Variants in ARHGAP20 observed in about 807,000 individuals in gnomAD.
ARHGAP20 encodes the protein rho GTPase-activating protein 20.
ARHGAP20 carries 34 observed loss-of-function variants against 73.7 expected under a neutral mutation model. The ratio of observed to expected loss-of-function variants is 0.46; its 90% CI spans 0.35 to 0.61. The LOEUF (loss-of-function observed/expected upper bound fraction) is 0.61, where lower values mean the gene tolerates loss of function less well. Ranked by LOEUF, ARHGAP20 falls within the 20% of genes least tolerant of loss-of-function variation. The pLI is 0.00. For missense variants in ARHGAP20, 1,314 were observed against 1,420.9 expected, an observed-to-expected ratio of 0.92 and a Z score of 1.21; for synonymous variants, 523 against 518.2, an observed-to-expected ratio of 1.01 and a Z score of -0.13.
intron 8 of ARHGAP20, among the ~76,000 whole-genome samples, chr11:110,608,259 A>G (rs1422807181): frequency 6.6e-6 from 1 of 152,142 alleles, no homozygotes; most frequent in Non-Finnish European, 1.5e-5. Flanking sequence ...TCATCATCTC[A>G]AGATCTGGTA....
At chr11:110,594,623 A>G (rs1947908169) in intron 9 of ARHGAP20, among the ~76,000 whole-genome samples, 1 of 152,112 alleles carries the variant, frequency 6.6e-6, no homozygotes, top group Non-Finnish European at 1.5e-5. Context: ...AAACTCCATT[A>G]TTTAAAAAAA....
chr11:110,674,718 T>C (rs1223650032), intron 2 of ARHGAP20, among the ~76,000 whole-genome samples: 3 of 152,128 alleles, frequency 2.0e-5, no homozygotes, highest in African/African-American at 7.2e-5. Flanking sequence ...GGACAAGGGA[T>C]ACTCAACCCT....
chr11:110,646,890 T>C (rs1949205268), intron 2 of ARHGAP20, among the ~76,000 whole-genome samples: 1 of 151,932 alleles, frequency 6.6e-6, no homozygotes, highest in African/African-American at 2.4e-5. Flanking sequence ...GAAACATAAT[T>C]TATATGGTGA....
chr11:110,635,143 C>T (rs1429011714), intron 2 of ARHGAP20, among the ~76,000 whole-genome samples: 2 of 151,924 alleles, frequency 1.3e-5, no homozygotes, highest in African/African-American at 4.8e-5. Context: ...TCTGATCTCC[C>T]CTGGGTATAC....
In ARHGAP20 at chr11:110,581,106, T is replaced by C; in HGVS notation, c.1840A>G (p.Met614Val). Residue 614 changes from methionine (M) to valine (V), a missense_variant, in exon 15 of 15, where the codon ATG (methionine) becomes GTG (valine). Physicochemically the swap from Met to Val is conservative, Grantham distance 21. This residue lies in a region of ARHGAP20 where 230 missense variants were observed against 317.6 expected (regional missense o/e 0.72). Coordinates refer to ENST00000683387, the MANE Select transcript of ARHGAP20 (RefSeq NM_001384657.1). ...VKKLGQGSRS[M>V]DSVLTLSDYD... is the part of the protein sequence containing the mutation. ...TCACTGAGGGTTAAGACAGAGTCCA[T>C]GCTTCTGCTCCCCTGGCCAAGTTTC... is the stretch of plus-strand genomic sequence containing the variant. 6.2e-7 allele frequency: 1 copy of C among 1,614,208 alleles called. No individual in the cohort carries two copies. Among genetic ancestry groups the C allele is most frequent in the Non-Finnish European group, 8.5e-7 (1 of 1,180,030 alleles).
intron 2 of ARHGAP20, among the ~76,000 whole-genome samples, chr11:110,683,537 C>T (rs1031809398): frequency 2.0e-5 from 3 of 152,014 alleles, no homozygotes; most frequent in East Asian, 1.9e-4. Context: ...AACTGAACAG[C>T]AAGTATGTAC....
intron 1 of ARHGAP20, chr11:110,711,610 G>A (rs1591202235): frequency 3.4e-6 from 5 of 1,486,358 alleles, no homozygotes; most frequent in East Asian, 5.6e-5. Context: ...CGCCTCGGCG[G>A]GCAGGTGAGG....
chr11:110,579,511 A>G lies in ARHGAP20; in HGVS notation c.3435T>C (p.Pro1145=), dbSNP rs751201807. 3 of 1,614,154 alleles carry G rather than the reference A, an allele frequency of 1.9e-6. No homozygotes were observed. The highest frequency in any genetic ancestry group is 2.5e-6 in the Non-Finnish European group (3 of 1,180,026). ...LCMKSHEEIE[P]GSQSSSGSLP... is the part of the protein sequence containing the mutation. ...GAGAACCAGAAGAGCTCTGACTACC[A>G]GGCTCTATTTCCTCATGTGACTTCA... Residue 1145 remains proline, a synonymous_variant, in exon 15 of 15, where the codon CCT becomes CCC. Coordinates refer to ENST00000683387, the MANE Select transcript of ARHGAP20 (RefSeq NM_001384657.1).
chr11:110,655,053 T>C (rs1949435312), intron 2 of ARHGAP20, among the ~76,000 whole-genome samples: 1 of 152,174 alleles, frequency 6.6e-6, no homozygotes, highest in South Asian at 2.1e-4. Context: ...TTAACTACAT[T>C]TGAGCTACTC....
intron 2 of ARHGAP20, among the ~76,000 whole-genome samples, chr11:110,683,373 T>C (rs1565475712): frequency 6.6e-6 from 1 of 152,116 alleles, no homozygotes; most frequent in African/African-American, 2.4e-5. Context: ...ATTTTCCCTA[T>C]CAAGACTTTC....
intron 11 of ARHGAP20, among the ~76,000 whole-genome samples, chr11:110,588,485 A>AAAAC (rs1165588933): frequency 1.3e-5 from 2 of 152,244 alleles, no homozygotes; most frequent in Non-Finnish European, 2.9e-5. Flanking sequence ...AACAAGAAAT[A>AAAAC]AAACAAAAGC....
At position 110,690,697 on chromosome 11, in the gene ARHGAP20, T is replaced by A. The variant is rs184884673; in HGVS notation, c.106-68A>T. 2.8e-4 allele frequency: 419 copies of A among 1,470,668 alleles called. 4 individuals are homozygous for A. The highest frequency in any genetic ancestry group is 1.0e-3 in the South Asian group (90 of 86,764). The allele number at this position is 1,470,668 out of a possible 1,614,324, so 91.1% of individuals were successfully genotyped here. A position where few individuals can be genotyped will look rare whatever the true frequency, so the allele number is the denominator to read the frequency against. On this transcript the variant is annotated intron_variant, in intron 1 of 14. Transcript: ENST00000683387. ...AGGCAAGACAATGTTGATTTTTTTT[T>A]AAATCCAATTTAACAAGTTTTGCAT... is the stretch of plus-strand genomic sequence containing the variant.
At chr11:110,642,779 T>A (rs1414200600) in intron 2 of ARHGAP20, among the ~76,000 whole-genome samples, 3 of 152,116 alleles carry the variant, frequency 2.0e-5, no homozygotes, top group Non-Finnish European at 4.4e-5. Context: ...AATTTTGATA[T>A]CAAGATAATG....
At chr11:110,584,024 C>T (rs985619259) in intron 12 of ARHGAP20, among the ~76,000 whole-genome samples, 4 of 152,058 alleles carry the variant, frequency 2.6e-5, no homozygotes, top group Admixed American at 6.6e-5. Context: ...TGAAATATTT[C>T]CCTGAAACTA....
At chr11:110,595,227 C>T (rs1313318248) in intron 9 of ARHGAP20, among the ~76,000 whole-genome samples, 1 of 152,090 alleles carries the variant, frequency 6.6e-6, no homozygotes, top group Non-Finnish European at 1.5e-5. Flanking sequence ...ACTTTGAAAA[C>T]TGGCACAAGA....
chr11:110,699,318 G>A (rs2135137161), intron 1 of ARHGAP20, among the ~76,000 whole-genome samples: 1 of 151,972 alleles, frequency 6.6e-6, no homozygotes, highest in Middle Eastern at 3.4e-3. Context: ...CTTCTTTAAT[G>A]GCCAAGCATA....
At chr11:110,602,667 T>G (rs1278392071) in intron 9 of ARHGAP20, among the ~76,000 whole-genome samples, 1 of 152,180 alleles carries the variant, frequency 6.6e-6, no homozygotes, top group Admixed American at 6.5e-5. Flanking sequence ...GATTTAAAAT[T>G]ATCAGCCTTT....
intron 2 of ARHGAP20, among the ~76,000 whole-genome samples, chr11:110,669,856 T>C (rs1949794426): frequency 6.6e-6 from 1 of 152,182 alleles, no homozygotes; most frequent in Non-Finnish European, 1.5e-5. Flanking sequence ...CAAATACTTG[T>C]ACATGACTGT....
At position 110,579,094 on chromosome 11, in the gene ARHGAP20, T is replaced by A. The variant is rs1291293593; in HGVS notation, c.*276A>T. The A allele has an allele frequency of 9.4e-7, 1 of 1,064,922 alleles. No homozygotes were observed. The highest frequency in any genetic ancestry group is 1.6e-5 in the African/African-American group (1 of 60,698). 66.0% of individuals were successfully genotyped at this position (1,064,922 alleles called of 1,614,324 possible). ...TGCTTCCTCTGCAGAAGATGCTTTCTCTAGCCCTCTGTTAGTATCTCTAAA... is the reference window on the plus strand; with the variant it reads ...TGCTTCCTCTGCAGAAGATGCTTTCACTAGCCCTCTGTTAGTATCTCTAAA... On this transcript the variant is annotated 3_prime_UTR_variant, in exon 15 of 15. Transcript: ENST00000683387.
Sources: gnomAD v4.1 joint callset for allele counts (sites outside exome capture counted in the v4.1 genomes callset) on GRCh38, gnomAD v4.1.1 for gene constraint, gnomAD v4.1.1 regional missense constraint, MANE v1.5 for transcripts, NCBI Gene and HGNC (gene_info 2026-07-23, HGNC 2026-07-21) for gene names.